The following PRKCE variants were observed in gnomAD, a reference collection of about 807,000 sequenced individuals.
The protein encoded by PRKCE is protein kinase C epsilon type.
PRKCE carries 16 observed loss-of-function variants against 85.4 expected under a neutral mutation model. That is an observed-to-expected ratio of 0.19 (90% CI 0.13 to 0.28). The LOEUF is 0.28. Ranked by LOEUF, PRKCE falls within the 10% of genes least tolerant of loss-of-function variation. The pLI is 1.00. For synonymous variants in PRKCE, 388 were observed against 371.5 expected (o/e 1.04, Z -0.51); for missense variants, 573 against 975.2 (o/e 0.59, Z 5.49).
intron 1 of PRKCE, among the ~76,000 whole-genome samples, chr2:45,692,556 G>T (rs1371143664): frequency 6.6e-6 from 1 of 152,128 alleles, no homozygotes; most frequent in Non-Finnish European, 1.5e-5. Flanking sequence ...CCGAGGGCTA[G>T]GACTTCTACA....
intron 12 of PRKCE, among the ~76,000 whole-genome samples, chr2:46,149,917 C>T (rs1171983670): frequency 2.6e-5 from 4 of 151,008 alleles, no homozygotes; most frequent in Non-Finnish European, 4.4e-5. Context: ...AGTGCAGTCG[C>T]ATGATTATGA....
intron 1 of PRKCE, among the ~76,000 whole-genome samples, chr2:45,690,993 C>G (rs534749081): frequency 3.3e-5 from 5 of 152,326 alleles, no homozygotes; most frequent in African/African-American, 1.2e-4. Context: ...TACCAAAAAG[C>G]TTCAAAATAG....
chr2:46,171,547 C>T (rs759564894), intron 14 of PRKCE, among the ~76,000 whole-genome samples: 2 of 152,202 alleles, frequency 1.3e-5, no homozygotes, highest in South Asian at 2.1e-4. Flanking sequence ...GGCACAGCCT[C>T]GGGGTCAGAA....
At chr2:45,873,816 A>T (rs1368956569) in intron 2 of PRKCE, among the ~76,000 whole-genome samples, 3 of 152,206 alleles carry the variant, frequency 2.0e-5, no homozygotes, top group Admixed American at 2.0e-4. Context: ...TGAGCCCAGC[A>T]GTGTTTACCA....
At chr2:45,963,742 C>G (rs1278246545) in intron 2 of PRKCE, among the ~76,000 whole-genome samples, 1 of 152,214 alleles carries the variant, frequency 6.6e-6, no homozygotes, top group African/African-American at 2.4e-5. Flanking sequence ...GAATACCCAC[C>G]TGGTCAGCAT....
chr2:45,856,526 G>A (rs991691368), intron 2 of PRKCE, among the ~76,000 whole-genome samples: 4 of 152,142 alleles, frequency 2.6e-5, no homozygotes, highest in Non-Finnish European at 4.4e-5. Context: ...CCATGTGCCT[G>A]GCGCATTTAT....
intron 1 of PRKCE, among the ~76,000 whole-genome samples, chr2:45,705,482 T>G (rs1452456754): frequency 6.6e-6 from 1 of 152,200 alleles, no homozygotes; most frequent in Non-Finnish European, 1.5e-5. Flanking sequence ...AGCTGTACCA[T>G]TCCCTGCACC....
chr2:45,795,772 C>G (rs1444037743), intron 1 of PRKCE, among the ~76,000 whole-genome samples: 1 of 152,128 alleles, frequency 6.6e-6, no homozygotes, highest in Non-Finnish European at 1.5e-5. Context: ...GTTCTTTGCC[C>G]CTTCTCATGT....
chr2:45,867,595 A>G (rs569358500), intron 2 of PRKCE, among the ~76,000 whole-genome samples: 1 of 152,160 alleles, frequency 6.6e-6, no homozygotes, highest in Non-Finnish European at 1.5e-5. Flanking sequence ...ATTCAGATTT[A>G]TTTTTAAAAT....
intron 1 of PRKCE, among the ~76,000 whole-genome samples, chr2:45,717,612 T>G (rs1680247940): frequency 6.6e-6 from 1 of 152,178 alleles, no homozygotes; most frequent in Non-Finnish European, 1.5e-5. Flanking sequence ...CCTGAGGCTT[T>G]TTTCCTAATA....
intron 2 of PRKCE, among the ~76,000 whole-genome samples, chr2:45,856,704 CT>C (rs1558757777): frequency 1.3e-5 from 2 of 152,204 alleles, no homozygotes; most frequent in East Asian, 1.9e-4. Flanking sequence ...TCCATCCCCC[CT>C]GACTTCTATT....
intron 11 of PRKCE, among the ~76,000 whole-genome samples, chr2:46,108,579 A>C (rs1434103593): frequency 2.0e-5 from 3 of 152,220 alleles, no homozygotes; most frequent in Non-Finnish European, 4.4e-5. Flanking sequence ...TGATGGCTGC[A>C]CTGAAGACCC....
intron 1 of PRKCE, among the ~76,000 whole-genome samples, chr2:45,758,845 T>G (rs903776495): frequency 5.3e-5 from 8 of 152,190 alleles, no homozygotes; most frequent in Non-Finnish European, 1.0e-4. Context: ...GTGAATCACC[T>G]AGCGTCTTCA....
chr2:46,074,928 G>A (rs1274926831), intron 10 of PRKCE, among the ~76,000 whole-genome samples: 2 of 152,208 alleles, frequency 1.3e-5, no homozygotes, highest in Admixed American at 6.5e-5. Context: ...GTGGGGAATC[G>A]CCTGAGCTCA....
In PRKCE at chr2:46,187,083, A is replaced by G. The variant is rs554086245; in HGVS notation, c.*2202A>G. 1.3e-5 allele frequency: 2 copies of G among 152,792 alleles called. No individual in the cohort carries two copies. The highest frequency in any genetic ancestry group is 2.9e-5 in the Non-Finnish European group (2 of 68,018). The allele number at this position is 152,792 out of a possible 1,614,324, so 9.5% of individuals were successfully genotyped here. ...GCATCATCTCATTTTTTAGGAAGAC[A>G]TGATAATACTGCCCATCATATTCAT... On this transcript the variant is annotated 3_prime_UTR_variant, in exon 15 of 15. Coordinates refer to ENST00000306156, the MANE Select transcript of PRKCE (RefSeq NM_005400.3).
intron 1 of PRKCE, among the ~76,000 whole-genome samples, chr2:45,653,753 G>A (rs554344994): frequency 1.3e-4 from 20 of 152,206 alleles, no homozygotes; most frequent in African/African-American, 3.9e-4. Flanking sequence ...CCATGGTTAC[G>A]GTTTCACAGG....
chr2:45,951,463 TC>T (rs1700615188), intron 2 of PRKCE, among the ~76,000 whole-genome samples: 1 of 152,178 alleles, frequency 6.6e-6, no homozygotes. Context: ...TATGTATGTG[TC>T]CATGGCCCCC....
In PRKCE at chr2:46,159,943, AC is replaced by A; in HGVS notation, c.2067+193del. On this transcript the variant is annotated intron_variant, in intron 14 of 14. Coordinates refer to ENST00000306156, the MANE Select transcript of PRKCE (RefSeq NM_005400.3). The surrounding 1 kb of genome is among the most constrained non-coding windows in gnomAD (Gnocchi z 4.1). ...AAGTGTTTACTATTGAAAACATGTA[AC>A]CTACTACAGCAGCACCCAAGATGAT... is the stretch of plus-strand genomic sequence containing the variant. The A allele has an allele frequency of 1.7e-6, 1 of 601,540 alleles. No individual in the cohort carries two copies. Among genetic ancestry groups the A allele is most frequent in the South Asian group, 2.5e-5 (1 of 40,274 alleles). 37.3% of individuals were successfully genotyped at this position (601,540 alleles called of 1,614,324 possible).
chr2:45,914,790 G>T (rs1159101735), intron 2 of PRKCE, among the ~76,000 whole-genome samples: 1 of 152,208 alleles, frequency 6.6e-6, no homozygotes, highest in Non-Finnish European at 1.5e-5. Context: ...TGAATGCCAT[G>T]TATAGCTATG....
Sources: gnomAD v4.1 joint callset for allele counts (sites outside exome capture counted in the v4.1 genomes callset) on GRCh38, gnomAD v4.1.1 for gene constraint, Gnocchi (gnomAD v3.1) non-coding constraint, MANE v1.5 for transcripts, NCBI Gene and HGNC (gene_info 2026-07-23, HGNC 2026-07-21) for gene names.